Variants in CLP1 observed in about 807,000 individuals in gnomAD.
The protein encoded by CLP1 is cleavage factor polyribonucleotide kinase subunit 1.
A neutral mutation model predicts 29.9 loss-of-function variants in CLP1; 18 were observed. That is an observed-to-expected ratio of 0.60 (90% CI 0.42 to 0.89). CLP1 has a LOEUF of 0.89. CLP1 is among the 40% of genes least tolerant of loss of function. The pLI is 0.00. For missense variants in CLP1, 357 were observed against 544.8 expected (o/e 0.66, Z 3.43); for synonymous variants, 162 against 206.2 (o/e 0.79, Z 1.84).
At chr11:57,658,367 A>G (rs1213366439) in intron 1 of CLP1, among the ~76,000 whole-genome samples, 1 of 152,206 alleles carries the variant, frequency 6.6e-6, no homozygotes, top group Non-Finnish European at 1.5e-5. Flanking sequence ...ATCTTCTGTC[A>G]GTCTGTAGGT....
Position 57,659,856 on chromosome 11 carries a change from A to G in CLP1, c.380A>G (p.Lys127Arg), listed in dbSNP as rs1468292535. ...GTAGTGGGCCCCACTGATGTGGGCA[A>G]GTCTACAGTGTGTCGCCTTCTGCTC... ...VMVVGPTDVG[K>R]STVCRLLLNY... The change falls in exon 2 of 3, where the codon AAG becomes AGG. Residue 127 changes from lysine (K) to arginine (R), a missense_variant. Physicochemically the swap from Lys to Arg is conservative, Grantham distance 26. Transcript: ENST00000533682. The G allele has an allele frequency of 1.2e-6, 2 of 1,614,190 alleles. No individual in the cohort carries two copies. The highest frequency in any genetic ancestry group is 1.7e-5 in the Admixed American group (1 of 60,014).
At chr11:57,660,653 C>CAAA in intron 2 of CLP1, 112 bp from the exon 3 acceptor site, 1 of 878,794 alleles carries the variant, frequency 1.1e-6, no homozygotes, top group Non-Finnish European at 1.7e-6. Flanking sequence ...GACTCCATTT[C>CAAA]AAAAAAAAAA....
chr11:57,660,633 A>G (rs1945866462), intron 2 of CLP1, 132 bp from the exon 3 acceptor site: 1 of 743,884 alleles, frequency 1.3e-6, no homozygotes, highest in Non-Finnish European at 2.1e-6. Flanking sequence ...CATCCTGGGC[A>G]ACAGAGTGAG....
intron 2 of CLP1, among the ~76,000 whole-genome samples, chr11:57,660,350 G>A (rs1275083683): frequency 6.6e-6 from 1 of 152,144 alleles, no homozygotes; most frequent in African/African-American, 2.4e-5. Flanking sequence ...CAAAACTACA[G>A]CCATTAAAAA....
intron 2 of CLP1, 93 bp downstream of exon 2, chr11:57,660,175 T>A: frequency 2.3e-6 from 3 of 1,301,210 alleles, no homozygotes; most frequent in Non-Finnish European, 3.1e-6. Context: ...TTTTCTCAGC[T>A]GGTATTTCTG....
intron 1 of CLP1, among the ~76,000 whole-genome samples, chr11:57,658,808 T>C (rs552647060): frequency 6.6e-6 from 1 of 152,246 alleles, no homozygotes; most frequent in African/African-American, 2.4e-5. Context: ...TGGCTAATTT[T>C]TGTATTTTTT....
rs1945853889 is a variant in CLP1 at position 57,659,531 on chromosome 11, C to T, written c.55C>T (p.Arg19Ter). 3 of 1,613,882 alleles carry T rather than the reference C, an allele frequency of 1.9e-6. No homozygotes were observed. The highest frequency in any genetic ancestry group is 2.5e-6 in the Non-Finnish European group (3 of 1,180,010). Residue 19 changes from arginine to a stop codon, truncating the protein, a stop_gained, in exon 2 of 3, where the codon CGA becomes TGA. Transcript: ENST00000533682. LOFTEE classifies it high-confidence loss of function. ...KKPTTKFELE[R>*]ETELRFEVEA... ...GCCAACCACTAAATTTGAACTAGAG[C>T]GAGAAACAGAACTTCGCTTTGAGGT...
In CLP1 at chr11:57,660,097, A is replaced by C. The variant is rs769147004; in HGVS notation, c.606+15A>C. ...TTTATAATAAGGTCAGAGCCAGAGA[A>C]AGGTGGGGTGGAGGGAAGGGCTGCT... On this transcript the variant is annotated intron_variant, in intron 2 of 2. Transcript: ENST00000533682. 2.6e-6 allele frequency: 4 copies of C among 1,538,472 alleles called. No individual in the cohort carries two copies. The highest frequency in any genetic ancestry group is 3.5e-6 in the Non-Finnish European group (4 of 1,141,696).
Position 57,659,810 on chromosome 11 carries a change from G to A in CLP1, c.334G>A (p.Glu112Lys). Residue 112 changes from glutamate (E) to lysine (K), a missense_variant, in exon 2 of 3, where the codon GAG becomes AAG. Physicochemically the swap from Glu to Lys is moderately conservative, Grantham distance 56. Transcript: ENST00000533682. Reference sequence around the variant, plus strand: ...GCGGAGGCAAGCGGAAAAGGAAGAAGAGCGAGGTCCCCGAGTGATGGTAGT... The same window carrying A: ...GCGGAGGCAAGCGGAAAAGGAAGAAAAGCGAGGTCCCCGAGTGATGGTAGT... ...QMRRQAEKEE[E>K]RGPRVMVVGP... The A allele has an allele frequency of 6.2e-7, 1 of 1,614,196 alleles. No individual in the cohort carries two copies. The highest frequency in any genetic ancestry group is 8.5e-7 in the Non-Finnish European group (1 of 1,180,040).
rs1945873912 is a variant in CLP1, at chr11:57,661,206, C to T, written c.1048C>T (p.Leu350Phe). 1 of 1,614,086 alleles carries T rather than the reference C, an allele frequency of 6.2e-7. No homozygotes were observed. The highest frequency in any genetic ancestry group is 1.1e-5 in the South Asian group (1 of 91,090). ...PLGMSQEDNQ[L>F]KLVPVTPGRD... ...GGGCATGTCTCAAGAGGATAATCAG[C>T]TCAAGCTAGTACCTGTCACTCCTGG... The change falls in exon 3 of 3, where the codon CTC becomes TTC. Residue 350 changes from leucine (L) to phenylalanine (F), a missense_variant. Coordinates refer to ENST00000533682, the MANE Select transcript of CLP1 (RefSeq NM_006831.3).
At chr11:57,660,586 G>A (rs1371196923) in intron 2 of CLP1, among the ~76,000 whole-genome samples, 179 bp from the exon 3 acceptor site, 1 of 152,188 alleles carries the variant, frequency 6.6e-6, no homozygotes, top group African/African-American at 2.4e-5. Flanking sequence ...CGCGGGAGGT[G>A]GAGGTTGCAG....
chr11:57,659,396 A>T, intron 1 of CLP1, 59 bp from the exon 2 acceptor site: 3 of 1,528,722 alleles, frequency 2.0e-6, no homozygotes, highest in Middle Eastern at 1.7e-4. Flanking sequence ...GCCCCATTGG[A>T]TGTTTTTGTA....
intron 1 of CLP1, among the ~76,000 whole-genome samples, chr11:57,658,474 C>T (rs985380240): frequency 6.6e-6 from 1 of 152,006 alleles, no homozygotes; most frequent in Admixed American, 6.6e-5. Context: ...TAGTATCAAA[C>T]AAAAATGCCT....
intron 1 of CLP1, among the ~76,000 whole-genome samples, 154 bp downstream of exon 1, chr11:57,658,014 A>G (rs143791321): frequency 6.6e-6 from 1 of 152,296 alleles, no homozygotes; most frequent in East Asian, 1.9e-4. Flanking sequence ...AGGATCAGAA[A>G]TAATTCATAT....
chr11:57,661,810 C>T lies in CLP1; in HGVS notation c.*374C>T. ...AAGTGTGAATTAGAGGGACTCCTTC[C>T]AATAAAGTTCAAACTTAAAAAAAAT... On this transcript the variant is annotated 3_prime_UTR_variant, in exon 3 of 3. Transcript: ENST00000533682. 1 of 225,186 alleles carries T rather than the reference C, an allele frequency of 4.4e-6. No individual in the cohort carries two copies. Among genetic ancestry groups the T allele is most frequent in the Non-Finnish European group, 8.7e-6 (1 of 114,660 alleles). 13.9% of individuals were successfully genotyped at this position (225,186 alleles called of 1,614,324 possible). A position where few individuals can be genotyped will look rare whatever the true frequency, so the allele number is the denominator to read the frequency against.
chr11:57,659,319 C>A, intron 1 of CLP1, 136 bp from the exon 2 acceptor site: 1 of 745,838 alleles, frequency 1.3e-6, no homozygotes, highest in Non-Finnish European at 2.2e-6. Context: ...GAACTCCTGA[C>A]CTCAAGTGAT....
At position 57,661,186 on chromosome 11, in the gene CLP1, T is replaced by C; in HGVS notation, c.1028T>C (p.Met343Thr). 1 of 1,614,226 alleles carries C rather than the reference T, an allele frequency of 6.2e-7. No homozygotes were observed. Among genetic ancestry groups the C allele is most frequent in the African/African-American group, 1.3e-5 (1 of 75,054 alleles). Residue 343 changes from methionine (M) to threonine (T), a missense_variant, in exon 3 of 3, where the codon ATG becomes ACG. Coordinates refer to ENST00000533682, the MANE Select transcript of CLP1 (RefSeq NM_006831.3). ...TIPDSCLPLGMSQEDNQLKLV... is the reference protein window; with the variant it reads ...TIPDSCLPLGTSQEDNQLKLV... The stretch of plus-strand genomic sequence containing the variant: ...CCAGACTCCTGTTTACCTTTGGGCA[T>C]GTCTCAAGAGGATAATCAGCTCAAG...
At position 57,661,603 on chromosome 11, in the gene CLP1, CTA is replaced by C. The variant is rs1945878118; in HGVS notation, c.*168_*169del. ...AACAGGTAGTGGTAACCTGACTCTT[CTA>C]ATCTTGAACCAAAAGGAAAACCATG... On this transcript the variant is annotated 3_prime_UTR_variant, in exon 3 of 3. Transcript: ENST00000533682. 1 of 604,794 alleles carries C rather than the reference CTA, an allele frequency of 1.7e-6. No individual in the cohort carries two copies. Among genetic ancestry groups the C allele is most frequent in the South Asian group, 2.2e-5 (1 of 45,658 alleles). 37.5% of individuals were successfully genotyped at this position (604,794 alleles called of 1,614,324 possible).
chr11:57,658,839 C>T (rs1175740536), intron 1 of CLP1, among the ~76,000 whole-genome samples: 2 of 152,142 alleles, frequency 1.3e-5, no homozygotes, highest in African/African-American at 2.4e-5. Context: ...GAGATTTCAC[C>T]ATGTTGGCCA....
Sources: allele counts gnomAD v4.1 joint callset (sites outside exome capture counted in the v4.1 genomes callset), GRCh38; gene constraint gnomAD v4.1.1; transcripts MANE v1.5; gene names NCBI Gene and HGNC (gene_info 2026-07-23, HGNC 2026-07-21).